The following C8orf34 variants were observed in gnomAD, a reference collection of about 807,000 sequenced individuals.
The protein encoded by C8orf34 is uncharacterized protein C8orf34.
C8orf34 carries 65 observed loss-of-function variants against 68.3 expected under a neutral mutation model. The ratio of observed to expected loss-of-function variants is 0.95; its 90% CI spans 0.78 to 1.17. The LOEUF is 1.17. Ranked by LOEUF, C8orf34 falls within the 50% of genes most tolerant of loss-of-function variation. C8orf34 has a pLI of 0.00. For synonymous variants in C8orf34, 244 were observed against 241.2 expected, an observed-to-expected ratio of 1.01 and a Z score of -0.11; for missense variants, 664 against 655.4, an observed-to-expected ratio of 1.01 and a Z score of -0.14.
At position 68,592,593 on chromosome 8, in the gene C8orf34, C is replaced by CTTTTTTTTTTTTTTTTTT. The variant is rs1444802100; in HGVS notation, c.1106-47781_1106-47780insTTTTTTTTTTTTTTTTTT. On this transcript the variant is annotated intron_variant, in intron 7 of 13. Coordinates refer to ENST00000518698, the MANE Select transcript of C8orf34 (RefSeq NM_052958.4). The stretch of plus-strand genomic sequence containing the variant: ...ATAACTGCAGTTTATCAATTTATCT[C>CTTTTTTTTTTTTTTTTTT]TTCTTTTTTTTTTTTTTTTTTTTTT... Among the ~76,000 whole-genome samples, 3 of 116,802 alleles carry CTTTTTTTTTTTTTTTTTT rather than the reference C, an allele frequency of 2.6e-5. 1 individual carries two copies. Among genetic ancestry groups the CTTTTTTTTTTTTTTTTTT allele is most frequent in the African/African-American group, 3.3e-5 (1 of 30,174 alleles). 76.6% of individuals were successfully genotyped at this position (116,802 alleles called of 152,430 possible).
At chr8:68,507,452 A>G (rs1814075183) in intron 5 of C8orf34, among the ~76,000 whole-genome samples, 1 of 152,242 alleles carries the variant, frequency 6.6e-6, no homozygotes, top group African/African-American at 2.4e-5. Flanking sequence ...CCACTGGCTC[A>G]TAGAAATTCT....
At chr8:68,374,175 A>ACAC (rs1437996832) in intron 1 of C8orf34, among the ~76,000 whole-genome samples, 2 of 152,116 alleles carry the variant, frequency 1.3e-5, no homozygotes, top group African/African-American at 4.8e-5. Flanking sequence ...TCGACCTCCC[A>ACAC]AAGTGCTAGG....
chr8:68,487,458 T>C (rs556665015), intron 4 of C8orf34, among the ~76,000 whole-genome samples: 1 of 3,024 alleles, frequency 3.3e-4, no homozygotes, highest in Admixed American at 5.2e-3. Flanking sequence ...GTGAGAAATA[T>C]GTGGATGGTG....
chr8:68,679,741 A>G (rs976528635), intron 8 of C8orf34, among the ~76,000 whole-genome samples: 2 of 152,224 alleles, frequency 1.3e-5, no homozygotes, highest in African/African-American at 2.4e-5. Flanking sequence ...CACATAGACC[A>G]ATGGAGCAGA....
At position 68,446,371 on chromosome 8, in the gene C8orf34, C is replaced by A; in HGVS notation, c.518C>A (p.Pro173His). 3 of 1,611,162 alleles carry A rather than the reference C, an allele frequency of 1.9e-6. No homozygotes were observed. Among genetic ancestry groups the A allele is most frequent in the Non-Finnish European group, 2.5e-6 (3 of 1,178,938 alleles). ...TRRDFRSYDKPWQLNAKKPKK... is the reference protein window; with the variant it reads ...TRRDFRSYDKHWQLNAKKPKK... ...AGGGATTTCAGAAGCTATGATAAAC[C>A]TTGGCAATTAAATGCAAAGAAGCCT... is the stretch of plus-strand genomic sequence containing the variant. The change falls in exon 3 of 14, where the codon CCT becomes CAT. Residue 173 changes from proline to histidine, a missense_variant. Pro to His is a moderately conservative substitution (Grantham distance 77). Coordinates refer to ENST00000518698, the MANE Select transcript of C8orf34 (RefSeq NM_052958.4).
chr8:68,448,717 A>G (rs889008384), intron 3 of C8orf34, among the ~76,000 whole-genome samples: 2 of 152,162 alleles, frequency 1.3e-5, no homozygotes, highest in Non-Finnish European at 2.9e-5. Flanking sequence ...GTAAATATAA[A>G]TGTACTAAAC....
intron 7 of C8orf34, among the ~76,000 whole-genome samples, chr8:68,602,481 T>TA (rs1817727920): frequency 6.6e-6 from 1 of 152,042 alleles, no homozygotes; most frequent in Non-Finnish European, 1.5e-5. Context: ...AAGCCCCTTA[T>TA]AAAACCATCA....
rs373297360 is a variant in C8orf34 at position 68,745,089 on chromosome 8, T to C, written c.1404+23652T>C. On this transcript the variant is annotated intron_variant, in intron 10 of 13. Transcript: ENST00000518698. ...AGTGGGGGCCAATATTCAACATTCTTAAAGAAAAGAATTTTCAACCCAGAA... is the reference window on the plus strand; with the variant it reads ...AGTGGGGGCCAATATTCAACATTCTCAAAGAAAAGAATTTTCAACCCAGAA... Among the ~76,000 whole-genome samples the C allele has an allele frequency of 2.1e-3, 326 of 152,182 alleles. 13 individuals carry two copies. In the South Asian group the frequency reaches 0.064, roughly 30 times the overall value.
At chr8:68,502,551 C>A (rs1023251151) in intron 5 of C8orf34, among the ~76,000 whole-genome samples, 7 of 152,042 alleles carry the variant, frequency 4.6e-5, no homozygotes, top group African/African-American at 1.7e-4. Context: ...CATCGTTAGT[C>A]ATTTTTGGGG....
chr8:68,593,637 C>T (rs142036544), intron 7 of C8orf34, among the ~76,000 whole-genome samples: 94 of 152,048 alleles, frequency 6.2e-4, no homozygotes, highest in African/African-American at 2.1e-3. Flanking sequence ...TTCCTGTTCA[C>T]ATTTTGTATT....
intron 8 of C8orf34, among the ~76,000 whole-genome samples, chr8:68,678,807 T>C (rs1423110092): frequency 6.6e-6 from 1 of 151,514 alleles, no homozygotes; most frequent in Admixed American, 6.6e-5. Context: ...TAAATTATCC[T>C]TTTTTGCTGA....
intron 5 of C8orf34, among the ~76,000 whole-genome samples, chr8:68,516,726 C>T (rs1814535770): frequency 6.6e-6 from 1 of 152,024 alleles, no homozygotes; most frequent in Non-Finnish European, 1.5e-5. Flanking sequence ...TTGCAACCTC[C>T]TCCTCCCAGA....
intron 5 of C8orf34, among the ~76,000 whole-genome samples, chr8:68,505,530 G>A (rs182464575): frequency 7.3e-6 from 1 of 136,430 alleles, no homozygotes; most frequent in Non-Finnish European, 1.5e-5. Context: ...AGGAGATCGA[G>A]ACCATCCTGG....
rs372221753 is a variant in C8orf34, at chr8:68,693,403, T to C, written c.1242-15591T>C. Among the ~76,000 whole-genome samples, 10 of 152,242 alleles carry C rather than the reference T, an allele frequency of 6.6e-5. No homozygotes were observed. In the East Asian group the frequency reaches 1.9e-3, roughly 30 times the overall value. ...TTCTGATTTTACTACTTACTAGGTA[T>C]ATAACTTGGGGACAATTTCTTTACC... is the stretch of plus-strand genomic sequence containing the variant. On this transcript the variant is annotated intron_variant, in intron 8 of 13. Coordinates refer to ENST00000518698, the MANE Select transcript of C8orf34 (RefSeq NM_052958.4).
intron 1 of C8orf34, among the ~76,000 whole-genome samples, chr8:68,351,343 G>T (rs1252995780): frequency 6.6e-6 from 1 of 151,888 alleles, no homozygotes; most frequent in Admixed American, 6.6e-5. Flanking sequence ...GCTTGATAAG[G>T]TTCCCTTTGT....
chr8:68,811,625 AT>A (rs1363263502), intron 12 of C8orf34, among the ~76,000 whole-genome samples: 1 of 152,212 alleles, frequency 6.6e-6, no homozygotes, highest in Non-Finnish European at 1.5e-5. Flanking sequence ...TTGGAGAGAT[AT>A]TTAGAATCAT....
chr8:68,389,844 A>G (rs1808408637), intron 1 of C8orf34, among the ~76,000 whole-genome samples: 1 of 152,170 alleles, frequency 6.6e-6, no homozygotes, highest in South Asian at 2.1e-4. Context: ...CTTTTCACAG[A>G]AAGCAAAATC....
chr8:68,722,152 G>C (rs1821695232), intron 10 of C8orf34, among the ~76,000 whole-genome samples: 1 of 152,098 alleles, frequency 6.6e-6, no homozygotes, highest in East Asian at 1.9e-4. Flanking sequence ...TGTTGGCAGG[G>C]CTGCTTGCTT....
chr8:68,333,646 C>A (rs1391587798), intron 1 of C8orf34, among the ~76,000 whole-genome samples: 1 of 152,172 alleles, frequency 6.6e-6, no homozygotes, highest in Non-Finnish European at 1.5e-5. Flanking sequence ...CGTCCATTCT[C>A]TTCTAGGACC....
Sources: gnomAD v4.1 joint callset for allele counts (sites outside exome capture counted in the v4.1 genomes callset) on GRCh38, gnomAD v4.1.1 for gene constraint, MANE v1.5 for transcripts, NCBI Gene and HGNC (gene_info 2026-07-23, HGNC 2026-07-21) for gene names.